The following RGS12 variants were observed in gnomAD, a reference collection of about 807,000 sequenced individuals.
The protein encoded by RGS12 is regulator of G-protein signaling 12.
Under a neutral mutation model 120.1 loss-of-function variants are expected in RGS12, and 66 were observed. The ratio of observed to expected loss-of-function variants is 0.55; its 90% confidence interval spans 0.45 to 0.67. RGS12 has a LOEUF of 0.67. Ranked by LOEUF, RGS12 falls within the 30% of genes least tolerant of loss-of-function variation. The pLI is 0.00. For synonymous variants in RGS12, 827 were observed against 804.7 expected (o/e 1.03, Z -0.47); for missense variants, 1,859 against 1,957.7 (o/e 0.95, Z 0.95).
At chr4:3,408,200 C>T (rs1577062292) in intron 4 of RGS12, among the ~76,000 whole-genome samples, 1 of 152,140 alleles carries the variant, frequency 6.6e-6, no homozygotes, top group Non-Finnish European at 1.5e-5. Context: ...GAGCTGGGGT[C>T]GGAATGGTGG....
Position 3,389,546 on chromosome 4 carries a change from G to A in RGS12, c.2020+3109G>A, listed in dbSNP as rs1403877267. ...GGCTCTGCACAGAGCTGGAGCCGCG[G>A]CCGCACAGAAGCCCGTTCTTGTGGC... On this transcript the variant is annotated intron_variant, in intron 4 of 17. Coordinates refer to ENST00000336727, the MANE Select transcript of RGS12 (RefSeq NM_001394154.1). This position sits in a 1 kb window ranked among gnomAD's most constrained non-coding sequence, Gnocchi z 5.2. 6.6e-6 allele frequency among the ~76,000 whole-genome samples: 1 copy of A among 152,172 alleles called. No individual in the cohort carries two copies. Among genetic ancestry groups the A allele is most frequent in the Non-Finnish European group, 1.5e-5 (1 of 68,020 alleles).
chr4:3,417,447 C>T lies in RGS12; in HGVS notation c.2667C>T (p.Ser889=), dbSNP rs544013593. The part of the protein sequence containing the change: ...SLNEELGDED[S]EKKRKGAFFS... ...ATGAAGAGCTGGGGGATGAGGACAG[C>T]GAGAAGAAGCGGAAAGGCGCGTTTT... The change falls in exon 9 of 18, where the codon AGC becomes AGT. Residue 889 remains serine, a synonymous_variant. Transcript: ENST00000336727. 5.0e-6 allele frequency: 8 copies of T among 1,611,058 alleles called. No individual in the cohort carries two copies. Among genetic ancestry groups the T allele is most frequent in the East Asian group, 4.5e-5 (2 of 44,818 alleles).
In RGS12 at chr4:3,372,598, C is replaced by T. The variant is rs1445003668; in HGVS notation, c.1999-13818C>T. Among the ~76,000 whole-genome samples, 4 of 152,234 alleles carry T rather than the reference C, an allele frequency of 2.6e-5. No homozygotes were observed. The highest frequency in any genetic ancestry group is 4.4e-5 in the Non-Finnish European group (3 of 68,044). On this transcript the variant is annotated intron_variant, in intron 3 of 17. Transcript: ENST00000336727. The surrounding 1 kb of genome is among the most constrained non-coding windows in gnomAD (Gnocchi z 4.3). ...CCCCCCCAGGTGTGCCCTGTGTGGC[C>T]GGCATGGAGGTGGCGGCGGCCATCA...
intron 4 of RGS12, among the ~76,000 whole-genome samples, chr4:3,404,893 T>C (rs1405753900): frequency 6.6e-6 from 1 of 152,218 alleles, no homozygotes; most frequent in Non-Finnish European, 1.5e-5. Flanking sequence ...AGGATGAAGC[T>C]GGAGCTTCGC....
Position 3,357,732 on chromosome 4 carries a change from C to T in RGS12, c.1998+14679C>T, listed in dbSNP as rs191829210. Among the ~76,000 whole-genome samples the T allele has an allele frequency of 3.9e-5, 6 of 152,152 alleles. No individual in the cohort carries two copies. In the East Asian group the frequency reaches 1.2e-3, roughly 29 times the overall value. Reference sequence around the variant, plus strand: ...TATTCCATTAGTCTTATGTGTATGTCTTTTTGCCAGTGCCACACTGTTTTG... The same window carrying T: ...TATTCCATTAGTCTTATGTGTATGTTTTTTTGCCAGTGCCACACTGTTTTG... On this transcript the variant is annotated intron_variant, in intron 3 of 17. Transcript: ENST00000336727.
chr4:3,431,849 G>C (rs1724341108), intron 17 of RGS12: 2 of 985,544 alleles, frequency 2.0e-6, no homozygotes, highest in Non-Finnish European at 2.4e-6. Flanking sequence ...GCTGACAGCA[G>C]TGAGAGGCCT....
intron 15 of RGS12, 38 bp downstream of exon 15, chr4:3,428,207 T>C (rs1280005733): frequency 2.6e-6 from 4 of 1,533,338 alleles, no homozygotes; most frequent in Non-Finnish European, 3.6e-6. Context: ...GCCCTGCTCC[T>C]CTCGCTGTGG....
In RGS12 at chr4:3,338,148, C is replaced by T. The variant is rs1220460271; in HGVS notation, c.1882-4789C>T. Among the ~76,000 whole-genome samples the T allele has an allele frequency of 2.0e-5, 3 of 152,216 alleles. No homozygotes were observed. The East Asian group carries it at 5.8e-4, about 29-fold the overall frequency. Reference sequence around the variant, plus strand: ...TGAACTCAGCTCACGGCAACCTCTGCCTCCCAGGTTCAAGCGATTCTCCTG... The same window carrying T: ...TGAACTCAGCTCACGGCAACCTCTGTCTCCCAGGTTCAAGCGATTCTCCTG... On this transcript the variant is annotated intron_variant, in intron 2 of 17. Transcript: ENST00000336727.
intron 1 of RGS12, among the ~76,000 whole-genome samples, chr4:3,302,458 T>C (rs975642472): frequency 1.3e-5 from 2 of 152,202 alleles, no homozygotes; most frequent in Non-Finnish European, 2.9e-5. Context: ...GATTGGAGTT[T>C]CTGGAGTTCA....
intron 2 of RGS12, chr4:3,324,420 A>G: frequency 4.2e-6 from 1 of 237,998 alleles, no homozygotes. Context: ...GCTGTCTTTT[A>G]GTCCAGGCCA....
Position 3,428,627 on chromosome 4 carries a change from G to A in RGS12, c.3481G>A (p.Asp1161Asn). The A allele has an allele frequency of 1.9e-6, 3 of 1,605,590 alleles. No homozygotes were observed. Among genetic ancestry groups the A allele is most frequent in the African/African-American group, 1.3e-5 (1 of 74,448 alleles). ...IKGENGKNAR[D>N]PRLSKREESI... The stretch of plus-strand genomic sequence containing the variant: ...AGGAGAAAATGGAAAAAATGCTAGG[G>A]ATCCCCGGCTTTCAAAGAGAGAAGA... Residue 1161 changes from aspartate (D) to asparagine (N), a missense_variant, in exon 16 of 18, where the codon GAT (aspartate) becomes AAT (asparagine). Around this residue, in one of 3 missense-constraint regions of RGS12, gnomAD observed 517 missense variants for 488.5 expected, o/e 1.06. Coordinates refer to ENST00000336727, the MANE Select transcript of RGS12 (RefSeq NM_001394154.1).
chr4:3,386,394 G>GTCTC, intron 3 of RGS12, 22 bp from the exon 4 acceptor site: 1 of 1,609,064 alleles, frequency 6.2e-7, no homozygotes. Context: ...ATTAACTCAT[G>GTCTC]TCTCTCTCTC....
intron 4 of RGS12, among the ~76,000 whole-genome samples, chr4:3,409,074 G>T (rs1177643569): frequency 1.3e-5 from 2 of 152,216 alleles, no homozygotes; most frequent in African/African-American, 4.8e-5. Flanking sequence ...GTGGGTCCTG[G>T]AGCCTGGGCA....
chr4:3,354,223 G>A (rs1714654182), intron 3 of RGS12, among the ~76,000 whole-genome samples: 2 of 152,232 alleles, frequency 1.3e-5, no homozygotes, highest in African/African-American at 4.8e-5. Context: ...AACATGGGAA[G>A]CCTGGTGGAG....
upstream of RGS12, chr4:3,292,989 G>A (rs1339904850): frequency 6.7e-6 from 1 of 149,578 alleles, no homozygotes; most frequent in Non-Finnish European, 1.5e-5. Flanking sequence ...TCCGGCCTCG[G>A]CCCCGCCCTC....
At chr4:3,302,582 TC>T (rs1381995324) in intron 1 of RGS12, among the ~76,000 whole-genome samples, 1 of 152,176 alleles carries the variant, frequency 6.6e-6, no homozygotes, top group African/African-American at 2.4e-5. Flanking sequence ...CAGAAGTGGT[TC>T]CTCCTGCCCC....
At chr4:3,401,078 A>G (rs865919787) in intron 4 of RGS12, among the ~76,000 whole-genome samples, 3 of 152,208 alleles carry the variant, frequency 2.0e-5, no homozygotes, top group Non-Finnish European at 4.4e-5. Flanking sequence ...GCCAGGTCCA[A>G]CTTTTAAACC....
chr4:3,308,309 T>C (rs1240023781), intron 1 of RGS12, among the ~76,000 whole-genome samples: 1 of 152,242 alleles, frequency 6.6e-6, no homozygotes, highest in African/African-American at 2.4e-5. Flanking sequence ...AGTAAGAGGC[T>C]GTGTCCTCGA....
At chr4:3,431,255 T>TG (rs1420821230) in intron 17 of RGS12, 2 of 1,275,036 alleles carry the variant, frequency 1.6e-6, no homozygotes, top group Admixed American at 3.9e-5. Context: ...GGGAACACCC[T>TG]GGGTGAGGCC....
Sources: gnomAD v4.1 joint callset for allele counts (sites outside exome capture counted in the v4.1 genomes callset) on GRCh38, gnomAD v4.1.1 for gene constraint, gnomAD v4.1.1 regional missense constraint, Gnocchi (gnomAD v3.1) non-coding constraint, MANE v1.5 for transcripts, NCBI Gene and HGNC (gene_info 2026-07-23, HGNC 2026-07-21) for gene names.